Variants in NEGR1 observed in about 807,000 individuals in gnomAD.
NEGR1 encodes the protein IgLON family member 4.
NEGR1 carries 10 observed loss-of-function variants against 40.9 expected under a neutral mutation model. That is an observed-to-expected ratio of 0.24 (90% CI 0.15 to 0.42). The LOEUF is 0.42. NEGR1 is among the 10% of genes least tolerant of loss of function. NEGR1 has a pLI of 1.00. For synonymous variants in NEGR1, 185 were observed against 166.8 expected (o/e 1.11, Z -0.84); for missense variants, 352 against 438.9 (o/e 0.80, Z 1.77).
intron 6 of NEGR1, 36 bp from the exon 7 acceptor site, chr1:71,407,606 A>C (rs769855770): frequency 6.2e-7 from 1 of 1,605,536 alleles, no homozygotes; most frequent in East Asian, 2.2e-5. Flanking sequence ...TCAAAATCTA[A>C]TTTGTGTCTT....
At chr1:72,263,464 G>C (rs1655530281) in intron 1 of NEGR1, among the ~76,000 whole-genome samples, 1 of 151,642 alleles carries the variant, frequency 6.6e-6, no homozygotes, top group African/African-American at 2.4e-5. Context: ...TTGGAAAAAT[G>C]TTCATCAAGA....
At chr1:71,766,610 A>G (rs370268785) in intron 3 of NEGR1, among the ~76,000 whole-genome samples, 6 of 152,354 alleles carry the variant, frequency 3.9e-5, no homozygotes, top group Non-Finnish European at 5.9e-5. Context: ...AGACATCAAA[A>G]TAAATAGCCA....
intron 6 of NEGR1, among the ~76,000 whole-genome samples, chr1:71,425,122 A>C (rs1646420796): frequency 6.6e-6 from 1 of 152,122 alleles, no homozygotes; most frequent in Non-Finnish European, 1.5e-5. Context: ...TAAAAAAAAA[A>C]GACATGTCAA....
chr1:72,260,257 TA>T (rs1655412298), intron 1 of NEGR1, among the ~76,000 whole-genome samples: 1 of 152,086 alleles, frequency 6.6e-6, no homozygotes, highest in South Asian at 2.1e-4. Flanking sequence ...TTTTATATAG[TA>T]TAAAGACATC....
At chr1:72,096,943 A>G (rs1252444791) in intron 1 of NEGR1, among the ~76,000 whole-genome samples, 2 of 152,102 alleles carry the variant, frequency 1.3e-5, no homozygotes, top group East Asian at 1.9e-4. Flanking sequence ...CGGCCTCCCA[A>G]AGTGCTGGGA....
intron 3 of NEGR1, among the ~76,000 whole-genome samples, chr1:71,747,440 T>TTTC (rs1655423723): frequency 6.6e-6 from 1 of 152,016 alleles, no homozygotes; most frequent in Non-Finnish European, 1.5e-5. Flanking sequence ...TTTTTTTTTT[T>TTTC]TTCAGACAGA....
chr1:72,213,075 A>C (rs1215242924), intron 1 of NEGR1, among the ~76,000 whole-genome samples: 1 of 151,846 alleles, frequency 6.6e-6, no homozygotes, highest in African/African-American at 2.4e-5. Context: ...AATAAGCATA[A>C]AATAAGCATT....
intron 1 of NEGR1, among the ~76,000 whole-genome samples, chr1:72,125,737 T>C (rs905855921): frequency 3.3e-5 from 5 of 152,134 alleles, no homozygotes; most frequent in Admixed American, 6.6e-5. Flanking sequence ...AACATTTTTG[T>C]ATTTCTCACA....
chr1:72,134,676 T>G (rs1455388626), intron 1 of NEGR1, among the ~76,000 whole-genome samples: 1 of 147,058 alleles, frequency 6.8e-6, no homozygotes, highest in Non-Finnish European at 1.5e-5. Flanking sequence ...CTCAAAACAA[T>G]AAATGAGGAT....
At chr1:71,483,926 CTAGATTCCTATTCCT>C in intron 6 of NEGR1, among the ~76,000 whole-genome samples, 1 of 151,396 alleles carries the variant, frequency 6.6e-6, no homozygotes, top group Admixed American at 6.6e-5. Flanking sequence ...TTTTTTTCAC[CTAGATTCCTATTCCT>C]TAGAAGCAAA....
intron 4 of NEGR1, among the ~76,000 whole-genome samples, chr1:71,649,645 A>C (rs536703127): frequency 3.9e-5 from 6 of 152,130 alleles, no homozygotes; most frequent in Non-Finnish European, 8.8e-5. Flanking sequence ...TTTTTGGATG[A>C]ATATTATTTT....
chr1:71,522,746 C>CAT (rs1327771359), intron 6 of NEGR1, among the ~76,000 whole-genome samples: 1 of 150,300 alleles, frequency 6.7e-6, no homozygotes, highest in East Asian at 2.0e-4. Flanking sequence ...CACACACACA[C>CAT]ACACACACAC....
chr1:71,506,671 A>G (rs1434229996), intron 6 of NEGR1, among the ~76,000 whole-genome samples: 1 of 152,202 alleles, frequency 6.6e-6, no homozygotes, highest in Admixed American at 6.5e-5. Flanking sequence ...GGAACGAAAG[A>G]CATCAGACCA....
chr1:72,214,037 C>T (rs542950229), intron 1 of NEGR1, among the ~76,000 whole-genome samples: 1 of 152,162 alleles, frequency 6.6e-6, no homozygotes, highest in South Asian at 2.1e-4. Context: ...CAGCTTCATC[C>T]GTGGGAGGCA....
At chr1:72,032,882 A>T (rs1329125241) in intron 1 of NEGR1, among the ~76,000 whole-genome samples, 2 of 152,116 alleles carry the variant, frequency 1.3e-5, no homozygotes, top group Non-Finnish European at 2.9e-5. Flanking sequence ...ATAATGATAG[A>T]GCCTATCTTA....
intron 2 of NEGR1, among the ~76,000 whole-genome samples, chr1:71,914,301 T>C (rs1411741514): frequency 1.3e-5 from 2 of 152,194 alleles, no homozygotes; most frequent in East Asian, 3.8e-4. Context: ...TGTCCATCCT[T>C]TACTTCAACA....
intron 6 of NEGR1, among the ~76,000 whole-genome samples, chr1:71,542,283 T>C (rs1647732757): frequency 6.6e-6 from 1 of 151,734 alleles, no homozygotes; most frequent in South Asian, 2.1e-4. Flanking sequence ...TTAGTTTCCA[T>C]ATTCGAATCA....
intron 4 of NEGR1, among the ~76,000 whole-genome samples, chr1:71,694,967 A>G (rs1048481027): frequency 1.3e-5 from 2 of 151,788 alleles, no homozygotes; most frequent in Non-Finnish European, 2.9e-5. Context: ...GGGATGTGCA[A>G]GTCCATGCTG....
chr1:72,070,097 A>T (rs1229137565), intron 1 of NEGR1, among the ~76,000 whole-genome samples: 4 of 152,048 alleles, frequency 2.6e-5, no homozygotes, highest in Non-Finnish European at 5.9e-5. Context: ...TTTTTTAAAA[A>T]ATTAATACCA....
Sources: gnomAD v4.1 joint callset for allele counts (sites outside exome capture counted in the v4.1 genomes callset) on GRCh38, gnomAD v4.1.1 for gene constraint, MANE v1.5 for transcripts, NCBI Gene and HGNC (gene_info 2026-07-23, HGNC 2026-07-21) for gene names.